Variants in RPL38 observed in about 807,000 individuals in gnomAD.
RPL38 encodes the protein large ribosomal subunit protein eL38.
A neutral mutation model predicts 12.8 loss-of-function variants in RPL38; 2 were observed. That is an observed-to-expected ratio of 0.16 (90% CI 0.06 to 0.49). RPL38 has a LOEUF of 0.49. RPL38 is among the 20% of genes least tolerant of loss of function. The pLI is 0.96. For synonymous variants in RPL38, 42 were observed against 30.1 expected (o/e 1.39, Z -1.29); for missense variants, 52 against 79.8 (o/e 0.65, Z 1.33).
intron 4 of RPL38, 178 bp downstream of exon 4, chr17:74,209,487 A>AC: frequency 1.4e-6 from 1 of 724,428 alleles, no homozygotes; most frequent in South Asian, 1.9e-5. Context: ...TATATACAGT[A>AC]CCAGAAATCA....
At position 74,209,229 on chromosome 17, in the gene RPL38, T is replaced by C. The variant is rs1203917058; in HGVS notation, c.107T>C (p.Val36Ala). Residue 36 changes from valine (V) to alanine (A), a missense_variant, in exon 4 of 5, where the codon GTT (valine) becomes GCT (alanine). Transcript: ENST00000311111. ...AATAAGGACAACGTGAAGTTTAAAGTTCGATGCAGCAGATACCTTTACACC... is the reference window on the plus strand; with the variant it reads ...AATAAGGACAACGTGAAGTTTAAAGCTCGATGCAGCAGATACCTTTACACC... ...KKNKDNVKFK[V>A]RCSRYLYTLV... is the part of the protein sequence containing the mutation. The C allele has an allele frequency of 6.2e-7, 1 of 1,613,976 alleles. No homozygotes were observed. The highest frequency in any genetic ancestry group is 8.5e-7 in the Non-Finnish European group (1 of 1,179,940).
rs1271512539 is a variant in RPL38 at position 74,210,176 on chromosome 17, CAG to C, written c.*348_*349del. On this transcript the variant is annotated 3_prime_UTR_variant, in exon 5 of 5. Coordinates refer to ENST00000311111, the MANE Select transcript of RPL38 (RefSeq NM_000999.4). ...CCAATTTTTGTATTTGTAGTAGAGA[CAG>C]GGTTTCACTGCCTGCCTCAGCCTCC... 1 of 203,004 alleles carries C rather than the reference CAG, an allele frequency of 4.9e-6. No individual in the cohort carries two copies. Among genetic ancestry groups the C allele is most frequent in the Non-Finnish European group, 1.0e-5 (1 of 99,960 alleles). The allele number at this position is 203,004 out of a possible 1,614,324, so 12.6% of individuals were successfully genotyped here. A position where few individuals can be genotyped will look rare whatever the true frequency, so the allele number is the denominator to read the frequency against.
rs534101162 is a variant in RPL38 at position 74,203,961 on chromosome 17, G to C, written c.3+3G>C. 143 of 1,612,504 alleles carry C rather than the reference G, an allele frequency of 8.9e-5. 1 individual carries two copies. The East Asian group carries it at 1.5e-3, about 17-fold the overall frequency. The stretch of plus-strand genomic sequence containing the variant: ...GCCCAGCGCGCCTCGTCGCCATGGT[G>C]AGTACAGTCCCTGCCTGGCGCCTTC... On this transcript the variant is annotated splice_donor_region_variant and intron_variant, in intron 2 of 4. Transcript: ENST00000311111.
chr17:74,203,971 C>T lies in RPL38; in HGVS notation c.3+13C>T, dbSNP rs765922497. ...CCTCGTCGCCATGGTGAGTACAGTCCCTGCCTGGCGCCTTCCCGGGGTGGG... is the reference window on the plus strand; with the variant it reads ...CCTCGTCGCCATGGTGAGTACAGTCTCTGCCTGGCGCCTTCCCGGGGTGGG... On this transcript the variant is annotated intron_variant, in intron 2 of 4. Coordinates refer to ENST00000311111, the MANE Select transcript of RPL38 (RefSeq NM_000999.4). 6 of 1,612,700 alleles carry T rather than the reference C, an allele frequency of 3.7e-6. No homozygotes were observed. Among genetic ancestry groups the T allele is most frequent in the African/African-American group, 2.7e-5 (2 of 74,924 alleles).
intron 2 of RPL38, 54 bp from the exon 3 acceptor site, chr17:74,204,076 C>G: frequency 1.2e-6 from 2 of 1,610,754 alleles, no homozygotes; most frequent in Non-Finnish European, 8.5e-7. Flanking sequence ...ACTGGGCCAT[C>G]GCCGGGAGAC....
intron 3 of RPL38, 73 bp from the exon 4 acceptor site, chr17:74,209,114 T>G: frequency 6.5e-7 from 1 of 1,529,798 alleles, no homozygotes; most frequent in East Asian, 2.3e-5. Flanking sequence ...ACTGCTTGAG[T>G]GTATTTGCAC....
chr17:74,208,038 C>G (rs1467071733), intron 3 of RPL38, among the ~76,000 whole-genome samples: 1 of 152,090 alleles, frequency 6.6e-6, no homozygotes, highest in Non-Finnish European at 1.5e-5. Flanking sequence ...ATGGAGTTGC[C>G]GAATTGCTAG....
intron 3 of RPL38, 69 bp from the exon 4 acceptor site, chr17:74,209,117 AT>A: frequency 6.4e-7 from 1 of 1,555,992 alleles, no homozygotes. Context: ...GCTTGAGTGT[AT>A]TTGCACATGG....
rs1195399806 is a variant in RPL38, at chr17:74,210,129, A to C, written c.*300A>C. ...CAGCCTCCCGAGTGGCTGGGATTAC[A>C]GGCACACATCACCACGCCTGGCCAA... is the stretch of plus-strand genomic sequence containing the variant. On this transcript the variant is annotated 3_prime_UTR_variant, in exon 5 of 5. Transcript: ENST00000311111. 1 of 307,872 alleles carries C rather than the reference A, an allele frequency of 3.2e-6. No individual in the cohort carries two copies. Among genetic ancestry groups the C allele is most frequent in the African/African-American group, 2.2e-5 (1 of 45,334 alleles). The allele number at this position is 307,872 out of a possible 1,614,324, so 19.1% of individuals were successfully genotyped here.
At chr17:74,205,071 T>C (rs1370708718) in intron 3 of RPL38, 1 of 152,218 alleles carries the variant, frequency 6.6e-6, no homozygotes, top group African/African-American at 2.4e-5. Context: ...TGGACTGTCA[T>C]AGGTCTGTTT....
At chr17:74,207,864 C>T (rs1056754160) in intron 3 of RPL38, among the ~76,000 whole-genome samples, 2 of 152,172 alleles carry the variant, frequency 1.3e-5, no homozygotes, top group African/African-American at 4.8e-5. Context: ...CTTAGTTCAG[C>T]TGCTAGGGGC....
intron 3 of RPL38, chr17:74,204,531 C>T (rs2050093573): frequency 1.5e-5 from 5 of 336,292 alleles, no homozygotes; most frequent in South Asian, 3.3e-5. Flanking sequence ...AGGTTCTCTG[C>T]AGTTGTGCAA....
chr17:74,209,139 ATC>A (rs1567804901), intron 3 of RPL38, 46 bp from the exon 4 acceptor site: 3 of 1,606,622 alleles, frequency 1.9e-6, no homozygotes, highest in Non-Finnish European at 2.6e-6. Flanking sequence ...ACTGTGTCAC[ATC>A]TGTTTTCTGT....
Position 74,209,859 on chromosome 17 carries a change from A to C in RPL38, c.*30A>C. Reference sequence around the variant, plus strand: ...GACACACTGATTGGAACTGTATTATATTAAAATACTAAAAATCCTAAGTGT... The same window carrying C: ...GACACACTGATTGGAACTGTATTATCTTAAAATACTAAAAATCCTAAGTGT... On this transcript the variant is annotated 3_prime_UTR_variant, in exon 5 of 5. Coordinates refer to ENST00000311111, the MANE Select transcript of RPL38 (RefSeq NM_000999.4). 1 of 1,576,830 alleles carries C rather than the reference A, an allele frequency of 6.3e-7. No individual in the cohort carries two copies. Among genetic ancestry groups the C allele is most frequent in the Non-Finnish European group, 8.7e-7 (1 of 1,147,044 alleles).
chr17:74,207,856 T>G (rs1245847327), intron 3 of RPL38, among the ~76,000 whole-genome samples: 1 of 152,204 alleles, frequency 6.6e-6, no homozygotes, highest in Non-Finnish European at 1.5e-5. Context: ...GTGTTCAGCT[T>G]AGTTCAGCTG....
chr17:74,208,777 T>G (rs758906077), intron 3 of RPL38, among the ~76,000 whole-genome samples: 21 of 151,868 alleles, frequency 1.4e-4, no homozygotes, highest in African/African-American at 2.2e-4. Flanking sequence ...CTACTAAAAA[T>G]ACAAAAAATT....
chr17:74,206,892 T>G (rs2050120087), intron 3 of RPL38, among the ~76,000 whole-genome samples: 1 of 151,570 alleles, frequency 6.6e-6, no homozygotes, highest in African/African-American at 2.4e-5. Flanking sequence ...TTTTTTTTTT[T>G]TTTAAAGTAG....
chr17:74,209,967 C>G lies in RPL38; in HGVS notation c.*138C>G. On this transcript the variant is annotated 3_prime_UTR_variant, in exon 5 of 5. Transcript: ENST00000311111. ...GAACAGGACGCGGGTTCTGTTGCTG[C>G]CTTCCTGTGTCTTTTTTTTTTTTTT... 1.7e-6 allele frequency: 1 copy of G among 576,606 alleles called. No homozygotes were observed. The highest frequency in any genetic ancestry group is 3.0e-6 in the Non-Finnish European group (1 of 329,148). 35.7% of individuals were successfully genotyped at this position (576,606 alleles called of 1,614,324 possible). A position where few individuals can be genotyped will look rare whatever the true frequency, so the allele number is the denominator to read the frequency against.
intron 3 of RPL38, chr17:74,204,607 G>A: frequency 4.1e-6 from 1 of 244,832 alleles, no homozygotes; most frequent in Non-Finnish European, 8.1e-6. Flanking sequence ...ATCGAGCACG[G>A]CACACTGTGT....
Sources: allele counts gnomAD v4.1 joint callset (sites outside exome capture counted in the v4.1 genomes callset), GRCh38; gene constraint gnomAD v4.1.1; transcripts MANE v1.5; gene names NCBI Gene and HGNC (gene_info 2026-07-23, HGNC 2026-07-21).